The following LITAF variants were observed in gnomAD, a reference collection of about 807,000 sequenced individuals.
LITAF encodes lipopolysaccharide induced TNF factor.
In LITAF, 9 loss-of-function variants were observed where a neutral mutation model predicts 14.5. The observed-to-expected ratio is 0.62, with a 90% confidence interval of 0.37 to 1.08. LITAF has a LOEUF of 1.08. Among genes scored for constraint, LITAF ranks in the 50% least tolerant of loss-of-function variants. LITAF has a pLI of 0.01. For synonymous variants in LITAF, 98 were observed against 88.2 expected (o/e 1.11, Z -0.62); for missense variants, 206 against 213.4 (o/e 0.97, Z 0.22).
Position 11,549,618 on chromosome 16 carries a change from C to A in LITAF, c.*19G>T. ...AGGACTTCCTGCGGCACCCGGCTCC[C>A]TCCACGTCTGGCTGAGTCCTACAAA... On this transcript the variant is annotated 3_prime_UTR_variant, in exon 4 of 4. Coordinates refer to ENST00000622633, the MANE Select transcript of LITAF (RefSeq NM_001136472.2). This position sits in a 1 kb window ranked among gnomAD's most constrained non-coding sequence, Gnocchi z 4.6. 1 of 1,591,604 alleles carries A rather than the reference C, an allele frequency of 6.3e-7. No homozygotes were observed.
intron 3 of LITAF, among the ~76,000 whole-genome samples, chr16:11,608,445 T>C (rs1046437753): frequency 1.3e-5 from 2 of 152,008 alleles, no homozygotes; most frequent in African/African-American, 4.8e-5. Flanking sequence ...TGCTTAAGAG[T>C]TGGGAACTCC....
At chr16:11,565,828 C>T (rs551260974) in intron 1 of LITAF, among the ~76,000 whole-genome samples, 1,372 of 82,750 alleles carry the variant, frequency 0.017, 11 homozygotes, top group Non-Finnish European at 0.022. Flanking sequence ...GCTTAGCTTG[C>T]GTGTCACCTC....
At chr16:11,608,960 A>C (rs371400809) in intron 3 of LITAF, among the ~76,000 whole-genome samples, 363 of 116,832 alleles carry the variant, frequency 3.1e-3, no homozygotes, top group African/African-American at 9.3e-3. Context: ...CACACACACA[A>C]AAAAAACAAA....
chr16:11,638,195 T>A (rs1369484630), upstream of LITAF, among the ~76,000 whole-genome samples: 1 of 149,696 alleles, frequency 6.7e-6, no homozygotes, highest in Non-Finnish European at 1.5e-5. Context: ...GTACATCACA[T>A]CACCTCCTGG....
chr16:11,558,548 G>T lies in LITAF; in HGVS notation c.-5-1813C>A, dbSNP rs933014371. On this transcript the variant is annotated intron_variant, in intron 1 of 3. Coordinates refer to ENST00000622633, the MANE Select transcript of LITAF (RefSeq NM_001136472.2). The surrounding 1 kb of genome is among the most constrained non-coding windows in gnomAD (Gnocchi z 4.1). The stretch of plus-strand genomic sequence containing the variant: ...CATAGTGAGACCCTGTCTCTACAAC[G>T]AATAAAAAAAGTAGCCAGGTGTAGT... Among the ~76,000 whole-genome samples, 3 of 151,712 alleles carry T rather than the reference G, an allele frequency of 2.0e-5. No homozygotes were observed. Among genetic ancestry groups the T allele is most frequent in the Non-Finnish European group, 4.4e-5 (3 of 67,896 alleles).
chr16:11,623,238 G>A lies in LITAF; in HGVS notation c.85+10295C>T, dbSNP rs574235000. ...AGCCTCCCAAAGTGCTGGGATTACA[G>A]GCATGAGCCACCGCGCCCGGCCGAA... is the stretch of plus-strand genomic sequence containing the variant. On this transcript the variant is annotated intron_variant, in intron 3 of 3. Coordinates refer to the LITAF transcript ENST00000574848. Among the ~76,000 whole-genome samples the A allele has an allele frequency of 4.8e-4, 73 of 151,938 alleles. 1 individual carries two copies. The South Asian group carries it at 0.015, about 32-fold the overall frequency.
At position 11,558,405 on chromosome 16, in the gene LITAF, T is replaced by TAAAAC. The variant is rs139962679; in HGVS notation, c.-5-1675_-5-1671dup. Among the ~76,000 whole-genome samples the TAAAAC allele has an allele frequency of 0.039, 5,900 of 151,882 alleles. 398 individuals carry two copies. Among genetic ancestry groups the TAAAAC allele is most frequent in the African/African-American group, 0.13 (5,537 of 41,298 alleles). ...GGCAACATGGTGAGACCCCCATCTC[T>TAAAAC]AAAACAAAACAAAACAAAAGGGCTG... On this transcript the variant is annotated intron_variant, in intron 1 of 3. Transcript: ENST00000622633. This position sits in a 1 kb window ranked among gnomAD's most constrained non-coding sequence, Gnocchi z 4.1.
chr16:11,637,177 C>A (rs1306282570), upstream of LITAF, among the ~76,000 whole-genome samples: 1 of 152,230 alleles, frequency 6.6e-6, no homozygotes, highest in Non-Finnish European at 1.5e-5. Context: ...AGGCGCAGGC[C>A]ACCGCGCCTG....
At chr16:11,608,175 T>C (rs2064964164) in intron 3 of LITAF, among the ~76,000 whole-genome samples, 1 of 152,174 alleles carries the variant, frequency 6.6e-6, no homozygotes, top group African/African-American at 2.4e-5. Context: ...GCGTCACAGA[T>C]AAACCCCACT....
At chr16:11,608,882 G>A (rs1244953491) in intron 3 of LITAF, among the ~76,000 whole-genome samples, 4 of 152,032 alleles carry the variant, frequency 2.6e-5, no homozygotes. Flanking sequence ...AGAATCTCTT[G>A]AACTCAGGAG....
chr16:11,579,276 C>T (rs1215908238), intron 1 of LITAF, among the ~76,000 whole-genome samples: 1 of 151,398 alleles, frequency 6.6e-6, no homozygotes, highest in Non-Finnish European at 1.5e-5. Context: ...ACGGTGAAAC[C>T]CCGTCTCTAC....
At chr16:11,577,381 A>G (rs111828173) in intron 1 of LITAF, among the ~76,000 whole-genome samples, 1,680 of 142,916 alleles carry the variant, frequency 0.012, 37 homozygotes, top group African/African-American at 0.042. Context: ...GCAGTGGCAC[A>G]ATCTCGGCTC....
intron 1 of LITAF, among the ~76,000 whole-genome samples, chr16:11,559,024 G>T (rs1245384042): frequency 6.6e-6 from 1 of 152,144 alleles, no homozygotes; most frequent in Non-Finnish European, 1.5e-5. Flanking sequence ...GAGGCAGTGG[G>T]ATTACTTGAG....
At chr16:11,585,450 C>G (rs1226826030) in intron 1 of LITAF, among the ~76,000 whole-genome samples, 1 of 152,070 alleles carries the variant, frequency 6.6e-6, no homozygotes, top group Non-Finnish European at 1.5e-5. Flanking sequence ...GTTCCCAGAG[C>G]AAGGGCTGGT....
At chr16:11,555,795 G>A (rs1373541923) in intron 2 of LITAF, among the ~76,000 whole-genome samples, 4 of 152,114 alleles carry the variant, frequency 2.6e-5, no homozygotes, top group African/African-American at 9.6e-5. Flanking sequence ...TTTATCAAAC[G>A]AGTACTCTGT....
At chr16:11,596,254 C>T (rs1184251450) in intron 1 of LITAF, among the ~76,000 whole-genome samples, 2 of 151,980 alleles carry the variant, frequency 1.3e-5, no homozygotes, top group Admixed American at 6.6e-5. Flanking sequence ...AGAGTGAGGC[C>T]CGGGTTACCT....
At chr16:11,596,211 C>T (rs527977280) in intron 1 of LITAF, among the ~76,000 whole-genome samples, 37 of 152,162 alleles carry the variant, frequency 2.4e-4, no homozygotes, top group Admixed American at 2.0e-3. Flanking sequence ...AGCAGCCCAG[C>T]CGGATAGCAG....
chr16:11,578,712 C>T (rs1380721696), intron 1 of LITAF, among the ~76,000 whole-genome samples: 1 of 152,222 alleles, frequency 6.6e-6, no homozygotes. Flanking sequence ...GACACTTCAC[C>T]TCCGTGGTCT....
upstream of LITAF, among the ~76,000 whole-genome samples, chr16:11,590,140 AAGAG>A (rs1010791732): frequency 2.6e-5 from 3 of 114,602 alleles, 1 homozygote; most frequent in East Asian, 5.9e-4. Flanking sequence ...AAAAAAAAAA[AAGAG>A]AGAGAGAGAA....
Sources: allele counts gnomAD v4.1 joint callset (sites outside exome capture counted in the v4.1 genomes callset), GRCh38; gene constraint gnomAD v4.1.1; non-coding constraint Gnocchi (gnomAD v3.1); transcripts MANE v1.5; gene names NCBI Gene and HGNC (gene_info 2026-07-23, HGNC 2026-07-21).